KCNH7: variants seen among roughly 807,000 people sequenced by gnomAD.
KCNH7 encodes voltage-gated inwardly rectifying potassium channel KCNH7.
Under a neutral mutation model 120.8 loss-of-function variants are expected in KCNH7, and 49 were observed. The ratio of observed to expected loss-of-function variants is 0.41; its 90% confidence interval spans 0.32 to 0.51. The LOEUF (loss-of-function observed/expected upper bound fraction) is 0.51, where lower values mean the gene tolerates loss of function less well. KCNH7 is among the 20% of genes least tolerant of loss of function. KCNH7 has a pLI of 0.38. For missense variants in KCNH7, 1,097 were observed against 1,446.6 expected, an observed-to-expected ratio of 0.76 and a Z score of 3.92; for synonymous variants, 547 against 516.1, an observed-to-expected ratio of 1.06 and a Z score of -0.81.
At chr2:162,617,435 C>T (rs1324148083) in intron 2 of KCNH7, among the ~76,000 whole-genome samples, 7 of 151,864 alleles carry the variant, frequency 4.6e-5, no homozygotes, top group African/African-American at 4.8e-5. Context: ...GCTGAGATTG[C>T]GCCACTGCAC....
intron 2 of KCNH7, among the ~76,000 whole-genome samples, chr2:162,744,317 AT>A (rs1318448249): frequency 6.6e-6 from 1 of 152,180 alleles, no homozygotes. Context: ...ACAAATGTTA[AT>A]TTTTGATAAT....
At chr2:162,429,755 A>T (rs1688003838) in intron 8 of KCNH7, among the ~76,000 whole-genome samples, 1 of 151,762 alleles carries the variant, frequency 6.6e-6, no homozygotes, top group Admixed American at 6.6e-5. Context: ...TATTTTATTC[A>T]TACTTAACTT....
At chr2:162,385,069 A>G (rs1558919173) in intron 12 of KCNH7, 130 bp from the exon 13 acceptor site, 1 of 625,798 alleles carries the variant, frequency 1.6e-6, no homozygotes, top group Non-Finnish European at 2.6e-6. Flanking sequence ...CTACTTGGGT[A>G]CTCAATTTTT....
intron 2 of KCNH7, among the ~76,000 whole-genome samples, chr2:162,728,250 T>C (rs1687598791): frequency 6.6e-6 from 1 of 152,126 alleles, no homozygotes; most frequent in East Asian, 1.9e-4. Context: ...CTCTAATGAC[T>C]AATGATCTTG....
intron 2 of KCNH7, among the ~76,000 whole-genome samples, chr2:162,619,166 C>T (rs1187350180): frequency 6.6e-6 from 1 of 151,922 alleles, no homozygotes; most frequent in Admixed American, 6.6e-5. Context: ...AGCCACTAAC[C>T]GTGGAAATGC....
intron 2 of KCNH7, among the ~76,000 whole-genome samples, chr2:162,779,310 C>G (rs1441457256): frequency 7.9e-5 from 12 of 152,038 alleles, no homozygotes; most frequent in Admixed American, 7.9e-4. Flanking sequence ...AAGTGATTCT[C>G]TCACCTCAGC....
intron 2 of KCNH7, among the ~76,000 whole-genome samples, chr2:162,703,220 T>A (rs1037760901): frequency 9.9e-5 from 15 of 152,078 alleles, no homozygotes; most frequent in African/African-American, 3.6e-4. Context: ...AAAAAACCCA[T>A]GAAGGGCCTA....
chr2:162,526,107 T>C (rs1241505888), intron 3 of KCNH7, among the ~76,000 whole-genome samples: 1 of 151,832 alleles, frequency 6.6e-6, no homozygotes, highest in Non-Finnish European at 1.5e-5. Flanking sequence ...AGACATCACA[T>C]GTTGGCAGGT....
At position 162,624,800 on chromosome 2, in the gene KCNH7, C is replaced by CTAGGCCCTG. The variant is rs879409781; in HGVS notation, c.308-87721_308-87720insCAGGGCCTA. 4.6e-3 allele frequency among the ~76,000 whole-genome samples: 692 copies of CTAGGCCCTG among 151,956 alleles called. 7 individuals are homozygous for CTAGGCCCTG. The highest frequency in any genetic ancestry group is 0.016 in the African/African-American group (661 of 41,440). ...TCTCCTAACCTCTAACCTCTAATTC[C>CTAGGCCCTG]ATTGGCAGCTGAGCAATGATTCATA... On this transcript the variant is annotated intron_variant, in intron 2 of 15. Transcript: ENST00000332142.
chr2:162,437,822 T>C (rs1170721960), intron 7 of KCNH7, among the ~76,000 whole-genome samples: 3 of 152,106 alleles, frequency 2.0e-5, no homozygotes, highest in Admixed American at 2.0e-4. Context: ...AATACTTAGA[T>C]ATCTGGAATC....
At chr2:162,380,911 C>T (rs1404007240) in intron 13 of KCNH7, among the ~76,000 whole-genome samples, 2 of 152,154 alleles carry the variant, frequency 1.3e-5, no homozygotes, top group East Asian at 1.9e-4. Flanking sequence ...CTTTTAATTT[C>T]CTTTTTCTCC....
chr2:162,434,569 A>G (rs1304955628), intron 8 of KCNH7, among the ~76,000 whole-genome samples: 1 of 152,054 alleles, frequency 6.6e-6, no homozygotes, highest in Non-Finnish European at 1.5e-5. Flanking sequence ...TCCAAAGAAT[A>G]TCTGTTATGA....
intron 2 of KCNH7, among the ~76,000 whole-genome samples, chr2:162,636,232 C>A (rs924145466): frequency 6.6e-6 from 1 of 151,942 alleles, no homozygotes; most frequent in Non-Finnish European, 1.5e-5. Context: ...AGAATCTCAG[C>A]CAAAGGTAGA....
chr2:162,778,741 T>C (rs190077318), intron 2 of KCNH7, among the ~76,000 whole-genome samples: 2 of 152,222 alleles, frequency 1.3e-5, no homozygotes, highest in Admixed American at 6.6e-5. Flanking sequence ...GATTCACATT[T>C]ACCTCATTAT....
chr2:162,582,390 G>C (rs561937161), intron 2 of KCNH7, among the ~76,000 whole-genome samples: 1 of 152,194 alleles, frequency 6.6e-6, no homozygotes, highest in South Asian at 2.1e-4. Flanking sequence ...TTAGTAGTAA[G>C]GAGTAGCAGC....
Position 162,435,483 on chromosome 2 carries a change from A to T in KCNH7, c.1669T>A (p.Cys557Ser), listed in dbSNP as rs772415826. The change falls in exon 8 of 16, where the codon TGC becomes AGC. Residue 557 changes from cysteine (C) to serine (S), a missense_variant. Around this residue, in one of 8 missense-constraint regions of KCNH7, gnomAD observed 109 missense variants for 196.8 expected, o/e 0.55. Transcript: ENST00000332142. ...CAGTGAGCAATCAGGGCAAAGATGC[A>T]CATTAAGAGCATTAGAACAGCAGCG... ...YGAAVLMLLM[C>S]IFALIAHWLA... 1.9e-6 allele frequency: 3 copies of T among 1,613,718 alleles called. No homozygotes were observed. The highest frequency in any genetic ancestry group is 2.5e-6 in the Non-Finnish European group (3 of 1,179,860).
At chr2:162,461,715 G>T (rs1335418337) in intron 6 of KCNH7, among the ~76,000 whole-genome samples, 2 of 152,174 alleles carry the variant, frequency 1.3e-5, no homozygotes, top group Non-Finnish European at 2.9e-5. Flanking sequence ...CACGTACAAA[G>T]TGGTATTTTA....
chr2:162,658,172 G>C (rs2105272510), intron 2 of KCNH7, among the ~76,000 whole-genome samples: 1 of 151,600 alleles, frequency 6.6e-6, no homozygotes, highest in Middle Eastern at 3.4e-3. Context: ...TACAGGCTCA[G>C]CTTTTTTTTT....
At chr2:162,684,298 T>C (rs1455246203) in intron 2 of KCNH7, among the ~76,000 whole-genome samples, 1 of 152,172 alleles carries the variant, frequency 6.6e-6, no homozygotes, top group Non-Finnish European at 1.5e-5. Context: ...GGCAAAGTCT[T>C]CATGACTAAA....
Sources: allele counts gnomAD v4.1 joint callset (sites outside exome capture counted in the v4.1 genomes callset), GRCh38; gene constraint gnomAD v4.1.1; regional missense constraint gnomAD v4.1.1; transcripts MANE v1.5; gene names NCBI Gene and HGNC (gene_info 2026-07-23, HGNC 2026-07-21).